PDE11A: variants seen among roughly 807,000 people sequenced by gnomAD.
PDE11A encodes dual 3',5'-cyclic-AMP and -GMP phosphodiesterase 11A.
Under a neutral mutation model 100.5 loss-of-function variants are expected in PDE11A, and 100 were observed. The ratio of observed to expected loss-of-function variants is 1.00; its 90% CI spans 0.85 to 1.18. The LOEUF is 1.18. PDE11A is among the 50% of genes most tolerant of loss of function. The pLI is 0.00. For missense variants in PDE11A, 1,141 were observed against 1,152.6 expected (o/e 0.99, Z 0.15); for synonymous variants, 381 against 420.8 (o/e 0.91, Z 1.16).
At chr2:177,671,514 G>T (rs567373425) in intron 17 of PDE11A, among the ~76,000 whole-genome samples, 2 of 151,800 alleles carry the variant, frequency 1.3e-5, no homozygotes, top group South Asian at 2.1e-4. Context: ...GGAAGTTAGA[G>T]AAATATTTTT....
chr2:178,034,439 C>A (rs1438597523), intron 1 of PDE11A, among the ~76,000 whole-genome samples: 2 of 152,140 alleles, frequency 1.3e-5, no homozygotes, highest in African/African-American at 4.8e-5. Context: ...GACTTTAACA[C>A]CCCACTGTCA....
chr2:177,702,298 G>C (rs1265731702), intron 13 of PDE11A, among the ~76,000 whole-genome samples: 3 of 145,708 alleles, frequency 2.1e-5, no homozygotes, highest in Admixed American at 7.0e-5. Flanking sequence ...CTGGGCGACA[G>C]AGTGAGACTC....
intron 9 of PDE11A, among the ~76,000 whole-genome samples, chr2:177,799,918 G>A (rs2082763658): frequency 6.6e-6 from 1 of 151,978 alleles, no homozygotes; most frequent in Admixed American, 6.6e-5. Flanking sequence ...GTGGGGGGTG[G>A]GGGATGTTAT....
chr2:177,780,518 TCTC>T (rs1411571200), intron 9 of PDE11A, among the ~76,000 whole-genome samples: 24 of 152,318 alleles, frequency 1.6e-4, no homozygotes, highest in African/African-American at 4.8e-4. Context: ...GACATTGACT[TCTC>T]CTCTCTAGTT....
chr2:177,783,621 T>C (rs765489638), intron 9 of PDE11A, among the ~76,000 whole-genome samples: 1 of 152,238 alleles, frequency 6.6e-6, no homozygotes, highest in Non-Finnish European at 1.5e-5. Flanking sequence ...TACTCTTCTG[T>C]AACTAAAGAT....
chr2:177,883,161 C>G (rs1467980935), intron 4 of PDE11A, among the ~76,000 whole-genome samples: 2 of 151,586 alleles, frequency 1.3e-5, no homozygotes, highest in East Asian at 3.9e-4. Context: ...CCCAGCTACT[C>G]AGCAGGCTGA....
Position 178,071,579 on chromosome 2 carries a change from T to A in PDE11A, c.859A>T (p.Ile287Phe). Reference sequence around the variant, plus strand: ...TCTCCATGCTCCCCGACATAGCCAATGATACCTTTGCCCCAGGGGACCTGC... The same window carrying A: ...TCTCCATGCTCCCCGACATAGCCAAAGATACCTTTGCCCCAGGGGACCTGC... ...EVQVPWGKGI[I>F]GYVGEHGETV... is the part of the protein sequence containing the mutation. Residue 287 changes from isoleucine (I) to phenylalanine (F), a missense_variant, in exon 1 of 20, where the codon ATT becomes TTT. Physicochemically the swap from Ile to Phe is conservative, Grantham distance 21 (BLOSUM62 0). Coordinates refer to ENST00000286063, the MANE Select transcript of PDE11A (RefSeq NM_016953.4). 1 of 1,613,658 alleles carries A rather than the reference T, an allele frequency of 6.2e-7. No individual in the cohort carries two copies. The highest frequency in any genetic ancestry group is 8.5e-7 in the Non-Finnish European group (1 of 1,179,550).
intron 16 of PDE11A, among the ~76,000 whole-genome samples, chr2:177,679,367 T>C (rs2365622): frequency 0.63 from 95,743 of 152,032 alleles, 32,585 homozygotes; most frequent in Admixed American, 0.74. Flanking sequence ...GGTATGTAAA[T>C]ATACAATTTA....
intron 1 of PDE11A, among the ~76,000 whole-genome samples, chr2:178,028,350 A>G (rs2086504135): frequency 6.6e-6 from 1 of 151,472 alleles, no homozygotes; most frequent in Non-Finnish European, 1.5e-5. Flanking sequence ...CTATAATATG[A>G]GAGTAGGCGT....
chr2:178,043,324 T>C (rs1374045399), intron 1 of PDE11A, among the ~76,000 whole-genome samples: 1 of 152,164 alleles, frequency 6.6e-6, no homozygotes, highest in Non-Finnish European at 1.5e-5. Flanking sequence ...AAATTCAAGA[T>C]ATTAGTCAAA....
At chr2:177,998,727 G>T in intron 2 of PDE11A, 1 of 934,500 alleles carries the variant, frequency 1.1e-6, no homozygotes, top group South Asian at 1.4e-5. Context: ...CGTGGTATCG[G>T]CCATGATGCC....
At chr2:177,683,545 C>A (rs947532118) in intron 15 of PDE11A, 1 of 152,216 alleles carries the variant, frequency 6.6e-6, no homozygotes, top group African/African-American at 2.4e-5. Context: ...CGGAAGTTTG[C>A]GCTGTTTGCA....
chr2:177,891,239 G>A (rs1201044631), intron 4 of PDE11A, among the ~76,000 whole-genome samples: 2 of 152,118 alleles, frequency 1.3e-5, no homozygotes, highest in Non-Finnish European at 2.9e-5. Context: ...GCAGTGAGCC[G>A]AGATCATGCC....
Position 177,629,045 on chromosome 2 carries a change from A to G in PDE11A, c.*362T>C. ...AACAGAAAAGCCCTATACAAAACGA[A>G]GCAGCGCTAATGACGCTTTTACTGT... On this transcript the variant is annotated 3_prime_UTR_variant, in exon 20 of 20. Coordinates refer to ENST00000286063, the MANE Select transcript of PDE11A (RefSeq NM_016953.4). 3.3e-6 allele frequency: 1 copy of G among 306,490 alleles called. No individual in the cohort carries two copies. Among genetic ancestry groups the G allele is most frequent in the South Asian group, 3.6e-5 (1 of 28,126 alleles). The allele number at this position is 306,490 out of a possible 1,614,324, so 19.0% of individuals were successfully genotyped here. A position where few individuals can be genotyped will look rare whatever the true frequency, so the allele number is the denominator to read the frequency against.
At chr2:177,673,449 A>T (rs149863148) in intron 17 of PDE11A, among the ~76,000 whole-genome samples, 2 of 152,288 alleles carry the variant, frequency 1.3e-5, no homozygotes, top group Non-Finnish European at 2.9e-5. Context: ...GGGATTTTGG[A>T]GTTGCCATGG....
At position 177,680,855 on chromosome 2, in the gene PDE11A, C is replaced by T. The variant is rs551673754; in HGVS notation, c.2394G>A (p.Trp798Ter). ...ATATATCACGATGGTTTTTGATGTT[C>T]CAATCGTATTCTCCTTTACTGACAA... ...FELVSKGEYD[W>*]NIKNHRDIFR... is the part of the protein sequence containing the mutation. Residue 798 changes from tryptophan (W) to a stop codon, truncating the protein, a stop_gained, in exon 16 of 20, where the codon TGG becomes TGA. Coordinates refer to ENST00000286063, the MANE Select transcript of PDE11A (RefSeq NM_016953.4). LOFTEE classifies it high-confidence loss of function. The T allele has an allele frequency of 1.1e-4, 179 of 1,589,424 alleles. 4 individuals carry two copies. In the South Asian group the frequency reaches 1.9e-3, roughly 17 times the overall value.
chr2:177,838,687 A>G (rs980418303), intron 6 of PDE11A, among the ~76,000 whole-genome samples: 36 of 152,212 alleles, frequency 2.4e-4, no homozygotes, highest in African/African-American at 7.2e-4. Flanking sequence ...GATGGCCTAC[A>G]GGGGAGAAGA....
intron 1 of PDE11A, among the ~76,000 whole-genome samples, chr2:178,041,245 A>ATTT (rs1424410830): frequency 7.2e-6 from 1 of 139,144 alleles, no homozygotes; most frequent in Non-Finnish European, 1.6e-5. Context: ...AAGCTCAGAA[A>ATTT]TTTTTTTTTT....
At chr2:177,956,411 C>T (rs1440638286) in intron 2 of PDE11A, among the ~76,000 whole-genome samples, 1 of 152,164 alleles carries the variant, frequency 6.6e-6, no homozygotes, top group Non-Finnish European at 1.5e-5. Context: ...CAGGAAACAA[C>T]AGGTGCTGGA....
Sources: gnomAD v4.1 joint callset for allele counts (sites outside exome capture counted in the v4.1 genomes callset) on GRCh38, gnomAD v4.1.1 for gene constraint, MANE v1.5 for transcripts, NCBI Gene and HGNC (gene_info 2026-07-23, HGNC 2026-07-21) for gene names.